The following CDK6 variants were observed in gnomAD, a reference collection of about 807,000 sequenced individuals.
The protein encoded by CDK6 is cyclin dependent kinase 6.
A neutral mutation model predicts 37.1 loss-of-function variants in CDK6; 6 were observed. The observed-to-expected ratio is 0.16, with a 90% confidence interval of 0.09 to 0.32. The LOEUF is 0.32. CDK6 is among the 10% of genes least tolerant of loss of function. CDK6 has a pLI of 1.00. For synonymous variants in CDK6, 160 were observed against 161.3 expected, an observed-to-expected ratio of 0.99 and a Z score of 0.06; for missense variants, 224 against 418.9, an observed-to-expected ratio of 0.53 and a Z score of 4.06.
At chr7:92,635,932 A>T (rs908223288) in intron 5 of CDK6, among the ~76,000 whole-genome samples, 5 of 152,328 alleles carry the variant, frequency 3.3e-5, no homozygotes, top group Non-Finnish European at 7.3e-5. Flanking sequence ...GGACGTGATA[A>T]GAGCAGGAGC....
chr7:92,703,272 C>T (rs1162442497), intron 4 of CDK6, among the ~76,000 whole-genome samples: 4 of 152,056 alleles, frequency 2.6e-5, no homozygotes, highest in African/African-American at 9.7e-5. Context: ...TTGCTAGAGC[C>T]TCTCCCATAA....
chr7:92,802,648 G>A (rs1230423095), intron 2 of CDK6, among the ~76,000 whole-genome samples: 2 of 152,112 alleles, frequency 1.3e-5, no homozygotes, highest in African/African-American at 2.4e-5. Flanking sequence ...CACCGTTTAG[G>A]AGTTTACAAT....
intron 3 of CDK6, among the ~76,000 whole-genome samples, chr7:92,731,970 G>A (rs1278919213): frequency 1.3e-5 from 2 of 152,156 alleles, no homozygotes; most frequent in Middle Eastern, 3.2e-3. Flanking sequence ...ATCAGCACTG[G>A]GTAAAGAAGT....
intron 5 of CDK6, among the ~76,000 whole-genome samples, chr7:92,650,501 G>A (rs939668892): frequency 1.3e-5 from 2 of 151,964 alleles, no homozygotes; most frequent in Non-Finnish European, 2.9e-5. Flanking sequence ...CACCAATTTA[G>A]TGGCTTAAAA....
intron 4 of CDK6, among the ~76,000 whole-genome samples, chr7:92,672,706 T>G (rs1797118800): frequency 6.6e-6 from 1 of 152,220 alleles, no homozygotes; most frequent in Non-Finnish European, 1.5e-5. Context: ...AATATAAATC[T>G]ATTACGTCAG....
intron 2 of CDK6, among the ~76,000 whole-genome samples, chr7:92,794,831 T>C (rs1344404404): frequency 6.6e-6 from 1 of 152,124 alleles, no homozygotes; most frequent in Admixed American, 6.6e-5. Context: ...CCAAGTCTGA[T>C]AAATTAAGTG....
intron 2 of CDK6, among the ~76,000 whole-genome samples, chr7:92,810,284 G>A (rs1025683109): frequency 1.3e-5 from 2 of 152,136 alleles, no homozygotes; most frequent in Admixed American, 6.5e-5. Context: ...TGCCAAGCAG[G>A]TCTTACTAAA....
At position 92,671,541 on chromosome 7, in the gene CDK6, A is replaced by G. The variant is rs760122799; in HGVS notation, c.538-6T>C. On this transcript the variant is annotated splice_polypyrimidine_tract_variant and splice_region_variant and intron_variant, in intron 4 of 7. Coordinates refer to ENST00000424848, the MANE Select transcript of CDK6 (RefSeq NM_001145306.2). ...CTGTACCACAGCGTGACGACCTGCA[A>G]TGGCAAGCGGATCCAAGTGTTACTG... The G allele has an allele frequency of 2.6e-6, 4 of 1,539,908 alleles. No homozygotes were observed. The highest frequency in any genetic ancestry group is 2.8e-5 in the African/African-American group (2 of 71,490).
At chr7:92,638,609 G>C (rs1199647725) in intron 5 of CDK6, among the ~76,000 whole-genome samples, 2 of 152,172 alleles carry the variant, frequency 1.3e-5, no homozygotes, top group Non-Finnish European at 2.9e-5. Context: ...GCCATTGACC[G>C]GCTGTGACCC....
At chr7:92,672,225 A>ACACACACACACACACACACACC (rs1797103070) in intron 4 of CDK6, among the ~76,000 whole-genome samples, 1 of 143,416 alleles carries the variant, frequency 7.0e-6, no homozygotes, top group African/African-American at 2.7e-5. Flanking sequence ...ACACACACAC[A>ACACACACACACACACACACACC]CACACACACA....
intron 3 of CDK6, among the ~76,000 whole-genome samples, chr7:92,747,182 C>T (rs980030576): frequency 6.6e-6 from 1 of 152,172 alleles, no homozygotes; most frequent in African/African-American, 2.4e-5. Flanking sequence ...TCTGCTTTTC[C>T]TTTACTCCGG....
chr7:92,786,375 A>G lies in CDK6; in HGVS notation c.234-11544T>C, dbSNP rs535501607. On this transcript the variant is annotated intron_variant, in intron 2 of 7. Transcript: ENST00000424848. ...GATTAGGTACTGATCTAATAAAACA[A>G]TCACTGAAGTTAGTTCCTTTTAAGG... Among the ~76,000 whole-genome samples the G allele has an allele frequency of 5.4e-4, 83 of 152,344 alleles. No homozygotes were observed. In the Middle Eastern group the frequency reaches 0.01, roughly 19 times the overall value.
chr7:92,786,670 CTGTG>C (rs1410299996), intron 2 of CDK6, among the ~76,000 whole-genome samples: 2 of 147,906 alleles, frequency 1.4e-5, no homozygotes, highest in South Asian at 2.1e-4. Flanking sequence ...TAATCTGGCT[CTGTG>C]TGTGTATATA....
chr7:92,833,925 C>A lies in CDK6; in HGVS notation c.-367-235G>T. ...TCTTCGCGCGGAGAGGTTGCAGGGG[C>A]CCCTCGGGGATGAGCGAGCGGCGCG... On this transcript the variant is annotated intron_variant, in intron 1 of 7. Transcript: ENST00000424848. This position sits in a 1 kb window ranked among gnomAD's most constrained non-coding sequence, Gnocchi z 6.1. 1 of 398,894 alleles carries A rather than the reference C, an allele frequency of 2.5e-6. No individual in the cohort carries two copies. The highest frequency in any genetic ancestry group is 4.4e-6 in the Non-Finnish European group (1 of 226,342). The allele number at this position is 398,894 out of a possible 1,614,324, so 24.7% of individuals were successfully genotyped here.
rs1801605348 is a variant in CDK6, at chr7:92,834,813, C to T, written c.-367-1123G>A. Among the ~76,000 whole-genome samples, 2 of 152,130 alleles carry T rather than the reference C, an allele frequency of 1.3e-5. No homozygotes were observed. Among genetic ancestry groups the T allele is most frequent in the South Asian group, 2.1e-4 (1 of 4,836 alleles). Reference sequence around the variant, plus strand: ...GGTAGCAGAGGTGGCTGCCCCATTCCCCCTCCGGCTAAAGGCCCGGTCCAG... The same window carrying T: ...GGTAGCAGAGGTGGCTGCCCCATTCTCCCTCCGGCTAAAGGCCCGGTCCAG... On this transcript the variant is annotated intron_variant, in intron 1 of 7. Coordinates refer to ENST00000424848, the MANE Select transcript of CDK6 (RefSeq NM_001145306.2). This position sits in a 1 kb window ranked among gnomAD's most constrained non-coding sequence, Gnocchi z 4.6.
At chr7:92,671,306 G>T in intron 5 of CDK6, 120 bp downstream of exon 5, 1 of 558,254 alleles carries the variant, frequency 1.8e-6, no homozygotes, top group Non-Finnish European at 3.0e-6. Context: ...GGTAGCCTGG[G>T]GTAGATGGAT....
chr7:92,654,031 T>TAA (rs1187652862), intron 5 of CDK6, among the ~76,000 whole-genome samples: 1 of 152,194 alleles, frequency 6.6e-6, no homozygotes, highest in Non-Finnish European at 1.5e-5. Context: ...AATATCATCC[T>TAA]TTATGTCAAT....
chr7:92,612,479 T>C lies in CDK6; in HGVS notation c.*2661A>G, dbSNP rs1282298009. ...ATTTCAGAAATGGCGAATCTGGACA[T>C]AAAATACATAAATCAAGAGAGTATT... On this transcript the variant is annotated 3_prime_UTR_variant, in exon 8 of 8. Coordinates refer to ENST00000424848, the MANE Select transcript of CDK6 (RefSeq NM_001145306.2). The C allele has an allele frequency of 8.6e-6, 2 of 232,980 alleles. No individual in the cohort carries two copies. Among genetic ancestry groups the C allele is most frequent in the African/African-American group, 4.4e-5 (2 of 45,336 alleles). 14.4% of individuals were successfully genotyped at this position (232,980 alleles called of 1,614,324 possible).
intron 2 of CDK6, among the ~76,000 whole-genome samples, chr7:92,814,118 C>T (rs571132030): frequency 6.6e-4 from 100 of 152,116 alleles, no homozygotes; most frequent in African/African-American, 2.4e-3. Flanking sequence ...GCTAACATTC[C>T]CAATATGATG....
Sources: allele counts gnomAD v4.1 joint callset (sites outside exome capture counted in the v4.1 genomes callset), GRCh38; gene constraint gnomAD v4.1.1; non-coding constraint Gnocchi (gnomAD v3.1); transcripts MANE v1.5; gene names NCBI Gene and HGNC (gene_info 2026-07-23, HGNC 2026-07-21).